KCNJ6: variants seen among roughly 807,000 people sequenced by gnomAD.
KCNJ6 encodes the protein G protein-activated inward rectifier potassium channel 2.
KCNJ6 carries 9 observed loss-of-function variants against 34.2 expected under a neutral mutation model. The ratio of observed to expected loss-of-function variants is 0.26; its 90% confidence interval spans 0.16 to 0.46. The LOEUF (loss-of-function observed/expected upper bound fraction) is 0.46. Ranked by LOEUF, KCNJ6 falls within the 20% of genes least tolerant of loss-of-function variation. The pLI is 1.00. For missense variants in KCNJ6, 236 were observed against 531.3 expected, an observed-to-expected ratio of 0.44 and a Z score of 5.46; for synonymous variants, 196 against 207.1, an observed-to-expected ratio of 0.95 and a Z score of 0.46.
chr21:37,884,019 G>A (rs994651222), intron 1 of KCNJ6, among the ~76,000 whole-genome samples: 51 of 152,184 alleles, frequency 3.4e-4, no homozygotes, highest in African/African-American at 1.1e-3. Context: ...GGATGCATCT[G>A]TGGTAAGTCT....
chr21:37,733,026 C>T (rs1251861286), intron 2 of KCNJ6, among the ~76,000 whole-genome samples: 1 of 152,188 alleles, frequency 6.6e-6, no homozygotes, highest in Non-Finnish European at 1.5e-5. Flanking sequence ...TGTTATTTCT[C>T]TGCATCATTT....
intron 2 of KCNJ6, among the ~76,000 whole-genome samples, chr21:37,747,791 T>C (rs1311979187): frequency 1.3e-5 from 2 of 152,228 alleles, no homozygotes; most frequent in Non-Finnish European, 2.9e-5. Context: ...GGTGCAGCAG[T>C]AATGCAGTCC....
rs2054298694 is a variant in KCNJ6, at chr21:37,623,672, G to T, written c.*1487C>A. On this transcript the variant is annotated 3_prime_UTR_variant, in exon 4 of 4. Coordinates refer to ENST00000609713, the MANE Select transcript of KCNJ6 (RefSeq NM_002240.5). ...TTTTTGCAGATTAAAGTGAATTAAG[G>T]CTGGAATTTTTTTATTTGTTTTCTT... 6.6e-6 allele frequency: 1 copy of T among 151,708 alleles called. No individual in the cohort carries two copies. Among genetic ancestry groups the T allele is most frequent in the Non-Finnish European group, 1.5e-5 (1 of 67,986 alleles). The allele number at this position is 151,708 out of a possible 1,614,324, so 9.4% of individuals were successfully genotyped here.
chr21:37,864,279 T>G (rs1310931768), intron 1 of KCNJ6, among the ~76,000 whole-genome samples: 1 of 152,022 alleles, frequency 6.6e-6, no homozygotes, highest in Admixed American at 6.6e-5. Context: ...GCCTGGTTAA[T>G]TTTTGTATTT....
chr21:37,675,438 C>T lies in KCNJ6; in HGVS notation c.946+38773G>A, dbSNP rs181652781. 9.6e-3 allele frequency among the ~76,000 whole-genome samples: 335 copies of T among 35,078 alleles called. 2 individuals carry two copies. The highest frequency in any genetic ancestry group is 0.087 in the Admixed American group (292 of 3,348). The allele number at this position is 35,078 out of a possible 152,430, so 23.0% of individuals were successfully genotyped here. ...GCTGCGTCTTTCAGGGCTGCAGGTA[C>T]GGTGCGGGTTTCTGGTGCGCTGACC... is the stretch of plus-strand genomic sequence containing the variant. On this transcript the variant is annotated intron_variant, in intron 3 of 3. Coordinates refer to ENST00000609713, the MANE Select transcript of KCNJ6 (RefSeq NM_002240.5). The surrounding 1 kb of genome is among the most constrained non-coding windows in gnomAD (Gnocchi z 4.2).
chr21:37,768,359 AG>A (rs1181026212), intron 2 of KCNJ6, among the ~76,000 whole-genome samples: 2 of 152,334 alleles, frequency 1.3e-5, no homozygotes, highest in Non-Finnish European at 2.9e-5. Context: ...ATAACATAAG[AG>A]AATGACATCC....
intron 2 of KCNJ6, among the ~76,000 whole-genome samples, chr21:37,736,925 G>T (rs118012573): frequency 6.6e-6 from 1 of 152,220 alleles, no homozygotes; most frequent in Non-Finnish European, 1.5e-5. Flanking sequence ...ACTTAGACAC[G>T]AGTTGCTGCG....
At chr21:37,810,822 G>A (rs988345646) in intron 2 of KCNJ6, among the ~76,000 whole-genome samples, 2 of 152,184 alleles carry the variant, frequency 1.3e-5, no homozygotes, top group African/African-American at 4.8e-5. Flanking sequence ...TTAAACTCTT[G>A]TAATTTCCTG....
intron 3 of KCNJ6, among the ~76,000 whole-genome samples, chr21:37,690,070 T>C (rs1444897126): frequency 6.6e-6 from 1 of 152,170 alleles, no homozygotes; most frequent in Non-Finnish European, 1.5e-5. Flanking sequence ...TCTTTCTCAG[T>C]ATAAGATTAT....
intron 1 of KCNJ6, among the ~76,000 whole-genome samples, chr21:37,914,903 C>A (rs2055885742): frequency 6.9e-6 from 1 of 145,710 alleles, no homozygotes; most frequent in South Asian, 2.2e-4. Context: ...CTCCCAAACA[C>A]TGGAGTTGTG....
intron 1 of KCNJ6, among the ~76,000 whole-genome samples, chr21:37,896,972 A>G (rs928766): frequency 0.29 from 43,559 of 152,126 alleles, 7,492 homozygotes; most frequent in East Asian, 0.62. Context: ...GAGCTGTGGC[A>G]CTGCTGGGGA....
chr21:37,621,990 G>A lies in KCNJ6; in HGVS notation c.*3169C>T, dbSNP rs2054291318. 6.6e-6 allele frequency: 1 copy of A among 152,226 alleles called. No individual in the cohort carries two copies. Among genetic ancestry groups the A allele is most frequent in the African/African-American group, 2.4e-5 (1 of 41,464 alleles). The allele number at this position is 152,226 out of a possible 1,614,324, so 9.4% of individuals were successfully genotyped here. On this transcript the variant is annotated 3_prime_UTR_variant, in exon 4 of 4. Transcript: ENST00000609713. ...GTTGGAGAGCACGTTGGGGTGGGTG[G>A]AGGTGAGAATCCGAGGAACTCAGCA...
rs144588572 is a variant in KCNJ6, at chr21:37,682,049, C to T, written c.946+32162G>A. On this transcript the variant is annotated intron_variant, in intron 3 of 3. Coordinates refer to ENST00000609713, the MANE Select transcript of KCNJ6 (RefSeq NM_002240.5). ...CTGTCCTGTTGCTTCTTTCATTCCA[C>T]AAATGTTATTTGTTCAGGTGGTCAC... is the stretch of plus-strand genomic sequence containing the variant. Among the ~76,000 whole-genome samples the T allele has an allele frequency of 7.1e-3, 1,079 of 152,318 alleles. 15 individuals are homozygous for T. The highest frequency in any genetic ancestry group is 0.025 in the African/African-American group (1,035 of 41,568).
rs989702275 is a variant in KCNJ6 at position 37,805,459 on chromosome 21, A to T, written c.25+35199T>A. Among the ~76,000 whole-genome samples the T allele has an allele frequency of 9.9e-5, 15 of 151,818 alleles. 1 individual carries two copies. The highest frequency in any genetic ancestry group is 3.6e-4 in the African/African-American group (15 of 41,318). On this transcript the variant is annotated intron_variant, in intron 2 of 3. Coordinates refer to ENST00000609713, the MANE Select transcript of KCNJ6 (RefSeq NM_002240.5). ...CCTTCCCCATTTGGCGTTTGGTGTT[A>T]TCACTTCCTGAGCAGCTGGGACAAG...
intron 2 of KCNJ6, among the ~76,000 whole-genome samples, chr21:37,726,064 C>T (rs896752517): frequency 1.3e-5 from 2 of 152,144 alleles, no homozygotes; most frequent in African/African-American, 4.8e-5. Flanking sequence ...TGCCACCATG[C>T]CTGGCTAATT....
intron 1 of KCNJ6, among the ~76,000 whole-genome samples, chr21:37,868,543 G>A (rs1287213632): frequency 6.6e-6 from 1 of 152,140 alleles, no homozygotes; most frequent in Admixed American, 6.5e-5. Flanking sequence ...TCCAGACAAG[G>A]GAGGAGAAAC....
chr21:37,835,654 T>G (rs574390792), intron 2 of KCNJ6, among the ~76,000 whole-genome samples: 5 of 152,364 alleles, frequency 3.3e-5, no homozygotes, highest in African/African-American at 1.2e-4. Flanking sequence ...TCTACTAGGC[T>G]GTGTCACCTC....
chr21:37,856,281 A>G (rs1264907559), intron 1 of KCNJ6, among the ~76,000 whole-genome samples: 1 of 152,224 alleles, frequency 6.6e-6, no homozygotes, highest in Non-Finnish European at 1.5e-5. Flanking sequence ...AGATGGGAGA[A>G]GAATTACTGT....
At chr21:37,876,957 C>A (rs1023515151) in intron 1 of KCNJ6, among the ~76,000 whole-genome samples, 5 of 152,170 alleles carry the variant, frequency 3.3e-5, no homozygotes, top group African/African-American at 2.4e-5. Flanking sequence ...TGTAGCTTCA[C>A]TATTTAGTTT....
Sources: allele counts gnomAD v4.1 joint callset (sites outside exome capture counted in the v4.1 genomes callset), GRCh38; gene constraint gnomAD v4.1.1; non-coding constraint Gnocchi (gnomAD v3.1); transcripts MANE v1.5; gene names NCBI Gene and HGNC (gene_info 2026-07-23, HGNC 2026-07-21).